The following TMEM51 variants were observed in gnomAD, a reference collection of about 807,000 sequenced individuals.
TMEM51 encodes transmembrane protein 51, also known as chromosome 1 open reading frame 72.
Under a neutral mutation model 13.6 loss-of-function variants are expected in TMEM51, and 8 were observed. The ratio of observed to expected loss-of-function variants is 0.59; its 90% CI spans 0.35 to 1.07. The LOEUF is 1.07. Among genes scored for constraint, TMEM51 ranks in the 50% least tolerant of loss-of-function variants. The pLI is 0.02. For missense variants in TMEM51, 279 were observed against 330.7 expected, an observed-to-expected ratio of 0.84 and a Z score of 1.21; for synonymous variants, 147 against 144.4, an observed-to-expected ratio of 1.02 and a Z score of -0.13.
chr1:15,177,412 CTGGAATAGGGAAGTCGGG>C (rs1385756948), intron 1 of TMEM51, among the ~76,000 whole-genome samples: 20 of 152,058 alleles, frequency 1.3e-4, no homozygotes, highest in Non-Finnish European at 1.3e-4. Flanking sequence ...TGTCCTTGCA[CTGGAATAGGGAAGTCGGG>C]AGGAACCAGG....
chr1:15,177,384 G>A (rs1304587204), intron 1 of TMEM51, among the ~76,000 whole-genome samples: 1 of 152,160 alleles, frequency 6.6e-6, no homozygotes, highest in Non-Finnish European at 1.5e-5. Flanking sequence ...TCAAGCCCAG[G>A]CCACCAGGAA....
intron 1 of TMEM51, chr1:15,192,470 T>TAA (rs1553201487): frequency 1.6e-5 from 4 of 250,176 alleles, no homozygotes; most frequent in African/African-American, 1.1e-4. Flanking sequence ...CCTTTTTTTT[T>TAA]ATGACAGAAT....
chr1:15,191,216 G>A (rs999828264), intron 1 of TMEM51, among the ~76,000 whole-genome samples: 1 of 152,236 alleles, frequency 6.6e-6, no homozygotes, highest in African/African-American at 2.4e-5. Flanking sequence ...AAGGGCAGGT[G>A]GCCTCTAGAA....
At chr1:15,199,885 G>C (rs955302233) in intron 1 of TMEM51, among the ~76,000 whole-genome samples, 2 of 152,114 alleles carry the variant, frequency 1.3e-5, no homozygotes, top group African/African-American at 4.8e-5. Context: ...GCGAAGTGGG[G>C]ACCGTAGCAC....
intron 1 of TMEM51, among the ~76,000 whole-genome samples, chr1:15,154,782 T>C (rs1642530293): frequency 6.6e-6 from 1 of 151,776 alleles, no homozygotes. Flanking sequence ...GCCCGTGGGG[T>C]GTCCTGCGCA....
intron 1 of TMEM51, among the ~76,000 whole-genome samples, chr1:15,183,456 C>G (rs904407768): frequency 1.3e-5 from 2 of 152,202 alleles, no homozygotes; most frequent in African/African-American, 4.8e-5. Context: ...GCCTCCATTT[C>G]CTCATTTGTA....
At chr1:15,190,217 G>T (rs1475595847) in intron 1 of TMEM51, among the ~76,000 whole-genome samples, 1 of 152,132 alleles carries the variant, frequency 6.6e-6, no homozygotes, top group Non-Finnish European at 1.5e-5. Context: ...TTAACATGAG[G>T]CTTTGGGCAG....
At chr1:15,188,553 A>G (rs72642314) in intron 1 of TMEM51, among the ~76,000 whole-genome samples, 24,829 of 152,326 alleles carry the variant, frequency 0.16, 2,125 homozygotes, top group Non-Finnish European at 0.19. Context: ...CTTGTTGGGA[A>G]TCACTTGTGC....
chr1:15,198,277 A>G (rs1416859088), intron 1 of TMEM51, among the ~76,000 whole-genome samples: 1 of 152,140 alleles, frequency 6.6e-6, no homozygotes, highest in African/African-American at 2.4e-5. Context: ...GCCAGAACTT[A>G]GTCACATGCA....
chr1:15,177,903 G>A (rs946546681), intron 1 of TMEM51, among the ~76,000 whole-genome samples: 2 of 152,204 alleles, frequency 1.3e-5, no homozygotes. Flanking sequence ...GTCACGCGAA[G>A]TCTTCTAACC....
intron 1 of TMEM51, among the ~76,000 whole-genome samples, chr1:15,175,669 CAA>C (rs1225458607): frequency 3.3e-5 from 5 of 152,182 alleles, no homozygotes; most frequent in African/African-American, 1.2e-4. Context: ...GAATGAGGAG[CAA>C]AGTCATGTCT....
intron 1 of TMEM51, among the ~76,000 whole-genome samples, chr1:15,204,195 G>A (rs1339477139): frequency 6.6e-6 from 1 of 152,174 alleles, no homozygotes; most frequent in East Asian, 1.9e-4. Context: ...CGTGGGACAG[G>A]CTCCAGCTTC....
At chr1:15,206,698 G>A (rs1644257329) in intron 1 of TMEM51, among the ~76,000 whole-genome samples, 2 of 152,202 alleles carry the variant, frequency 1.3e-5, no homozygotes, top group Non-Finnish European at 2.9e-5. Context: ...CTGATTTCAT[G>A]ATAGCTGCTG....
chr1:15,177,744 A>G (rs570955280), intron 1 of TMEM51, among the ~76,000 whole-genome samples: 1 of 152,266 alleles, frequency 6.6e-6, no homozygotes, highest in Admixed American at 6.5e-5. Flanking sequence ...GTATGAAGCA[A>G]CTGTAAGAAC....
At chr1:15,182,978 G>A (rs1044470236) in intron 1 of TMEM51, among the ~76,000 whole-genome samples, 1 of 152,190 alleles carries the variant, frequency 6.6e-6, no homozygotes, top group African/African-American at 2.4e-5. Flanking sequence ...GGCCAGGCTG[G>A]TCTCAAACTC....
At chr1:15,179,436 C>T (rs1004429310) in intron 1 of TMEM51, among the ~76,000 whole-genome samples, 3 of 152,152 alleles carry the variant, frequency 2.0e-5, no homozygotes, top group African/African-American at 7.2e-5. Flanking sequence ...CAGGCCACAC[C>T]ATGGGTGAGC....
At chr1:15,164,667 A>G (rs1417061175) in intron 1 of TMEM51, among the ~76,000 whole-genome samples, 2 of 152,036 alleles carry the variant, frequency 1.3e-5, no homozygotes, top group Non-Finnish European at 2.9e-5. Context: ...AGATTATTGA[A>G]ACGATTTTTA....
In TMEM51 at chr1:15,157,585, C is replaced by A. The variant is rs575072328; in HGVS notation, c.-267+3631C>A. ...CAAGATCCCCTTTCTGTCTGCACTT[C>A]ACACTACCAGGTGTTTTTGTGGCAT... On this transcript the variant is annotated intron_variant, in intron 1 of 3. Transcript: ENST00000376008. Among the ~76,000 whole-genome samples, 3 of 152,314 alleles carry A rather than the reference C, an allele frequency of 2.0e-5. No individual in the cohort carries two copies. The East Asian group carries it at 5.8e-4, about 29-fold the overall frequency.
At chr1:15,155,175 G>A (rs1225170124) in intron 1 of TMEM51, among the ~76,000 whole-genome samples, 1 of 152,218 alleles carries the variant, frequency 6.6e-6, no homozygotes, top group Non-Finnish European at 1.5e-5. Context: ...AAAGGCCAAA[G>A]AAAGAGAGAG....
Sources: gnomAD v4.1 joint callset for allele counts (sites outside exome capture counted in the v4.1 genomes callset) on GRCh38, gnomAD v4.1.1 for gene constraint, MANE v1.5 for transcripts, NCBI Gene and HGNC (gene_info 2026-07-23, HGNC 2026-07-21) for gene names.